JAK1: variants seen among roughly 807,000 people sequenced by gnomAD.
The protein encoded by JAK1 is Janus kinase 1, also known as tyrosine-protein kinase JAK1.
JAK1 carries 16 observed loss-of-function variants against 136.6 expected under a neutral mutation model. The observed-to-expected ratio is 0.12, with a 90% confidence interval of 0.08 to 0.18. JAK1 has a LOEUF of 0.18. Among genes scored for constraint, JAK1 ranks in the 10% least tolerant of loss-of-function variants. The pLI, the probability that JAK1 is intolerant of heterozygous loss-of-function variation, is 1.00. For synonymous variants in JAK1, 492 were observed against 519.5 expected, an observed-to-expected ratio of 0.95 and a Z score of 0.72; for missense variants, 859 against 1,450.1, an observed-to-expected ratio of 0.59 and a Z score of 6.62.
chr1:65,004,205 T>C (rs764655247), intron 2 of JAK1: 2 of 152,266 alleles, frequency 1.3e-5, no homozygotes, highest in Non-Finnish European at 2.9e-5. Context: ...CCTCCCAAAG[T>C]GCTGGGATTA....
intron 2 of JAK1, among the ~76,000 whole-genome samples, chr1:64,884,192 CGTAA>C (rs1400165843): frequency 2.6e-5 from 4 of 152,176 alleles, no homozygotes; most frequent in East Asian, 1.9e-4. Context: ...GTGAAAAGTG[CGTAA>C]GTAAGTAATT....
chr1:64,982,124 GCACACACACA>G (rs201571086), intron 2 of JAK1, among the ~76,000 whole-genome samples: 5 of 113,140 alleles, frequency 4.4e-5, no homozygotes, highest in African/African-American at 1.1e-4. Context: ...GCACACACAC[GCACACACACA>G]CACATACAAC....
chr1:64,973,111 T>A (rs1646465752), intron 2 of JAK1: 1 of 132,716 alleles, frequency 7.5e-6, no homozygotes, highest in African/African-American at 2.9e-5. Flanking sequence ...CAGAACAAGA[T>A]TCTGTCAAAA....
intron 1 of JAK1, among the ~76,000 whole-genome samples, chr1:64,959,535 G>A (rs1207629765): frequency 2.0e-5 from 3 of 152,112 alleles, no homozygotes; most frequent in East Asian, 1.9e-4. Context: ...TGGTGCCTCT[G>A]CCAATAGCCC....
chr1:64,989,233 G>A (rs1646632194), intron 2 of JAK1, among the ~76,000 whole-genome samples: 1 of 150,100 alleles, frequency 6.7e-6, no homozygotes, highest in Admixed American at 6.6e-5. Context: ...GCTGAGGCAG[G>A]AGAATTGTTT....
intron 2 of JAK1, among the ~76,000 whole-genome samples, chr1:64,884,420 C>A (rs1369553075): frequency 7.9e-5 from 12 of 152,180 alleles, no homozygotes; most frequent in Admixed American, 7.2e-4. Flanking sequence ...TTCACTTAAA[C>A]CCCTAAAGTA....
chr1:64,994,554 G>A (rs1646686431), intron 2 of JAK1, among the ~76,000 whole-genome samples: 1 of 152,146 alleles, frequency 6.6e-6, no homozygotes, highest in Admixed American at 6.5e-5. Flanking sequence ...GAAAAGCACA[G>A]TCTCAGCCCT....
intron 11 of JAK1, among the ~76,000 whole-genome samples, chr1:64,854,714 GGCCCCTACA>G (rs1655812789): frequency 6.6e-6 from 1 of 151,906 alleles, no homozygotes; most frequent in Non-Finnish European, 1.5e-5. Flanking sequence ...GATCCTCCCT[GGCCCCTACA>G]GCCTGCAGGA....
intron 2 of JAK1, chr1:64,995,021 T>C (rs1482623944): frequency 1.3e-5 from 2 of 150,094 alleles, no homozygotes; most frequent in Non-Finnish European, 3.0e-5. Context: ...TGAATCTATA[T>C]AAGCAACCAA....
Position 64,844,031 on chromosome 1 carries a change from A to G in JAK1, c.2403+33T>C. The G allele has an allele frequency of 1.2e-6, 2 of 1,611,884 alleles. No homozygotes were observed. Among genetic ancestry groups the G allele is most frequent in the South Asian group, 1.1e-5 (1 of 90,990 alleles). ...AGCCCACGAGCACCTGAAAGCCCTCACTTGCCTCACGCCCCGGGAAACACC... is the reference window on the plus strand; with the variant it reads ...AGCCCACGAGCACCTGAAAGCCCTCGCTTGCCTCACGCCCCGGGAAACACC... On this transcript the variant is annotated intron_variant, in intron 17 of 24. Coordinates refer to ENST00000342505, the MANE Select transcript of JAK1 (RefSeq NM_002227.4). The surrounding 1 kb of genome is among the most constrained non-coding windows in gnomAD (Gnocchi z 5.7).
chr1:64,984,983 C>A lies in JAK1; in HGVS notation c.-78+59497G>T. The A allele has an allele frequency of 1.1e-6, 1 of 896,794 alleles. No homozygotes were observed. Among genetic ancestry groups the A allele is most frequent in the East Asian group, 2.4e-5 (1 of 41,404 alleles). 55.6% of individuals were successfully genotyped at this position (896,794 alleles called of 1,614,324 possible). A position where few individuals can be genotyped will look rare whatever the true frequency, so the allele number is the denominator to read the frequency against. On this transcript the variant is annotated intron_variant, in intron 2 of 25. Coordinates refer to the JAK1 transcript ENST00000671954. This position sits in a 1 kb window ranked among gnomAD's most constrained non-coding sequence, Gnocchi z 4.1. ...CAATTTCAAAGAAGACCACAAAGAC[C>A]AAGATAGCCCCAATACAGACAAAGC...
In JAK1 at chr1:65,052,777, GCACTCCAGCCTGGGCGA is replaced by G. The variant is rs778211625; in HGVS notation, c.-180-8212_-180-8196del. Among the ~76,000 whole-genome samples, 34 of 147,896 alleles carry G rather than the reference GCACTCCAGCCTGGGCGA, an allele frequency of 2.3e-4. 1 individual carries two copies. The highest frequency in any genetic ancestry group is 4.8e-4 in the Admixed American group (7 of 14,474). On this transcript the variant is annotated intron_variant, in intron 1 of 25. Coordinates refer to the JAK1 transcript ENST00000671954. ...TGCAGTGAGCTGAGATCGCGCCACT[GCACTCCAGCCTGGGCGA>G]CACTCCAGCCTGGGCAACACTCCAG... is the stretch of plus-strand genomic sequence containing the variant.
intron 1 of JAK1, chr1:64,918,333 A>C (rs1046014834): frequency 6.6e-6 from 1 of 152,234 alleles, no homozygotes; most frequent in Non-Finnish European, 1.5e-5. Context: ...AGAGACCCTA[A>C]GTAGATACTC....
intron 1 of JAK1, among the ~76,000 whole-genome samples, chr1:65,044,663 T>G (rs1333433606): frequency 1.3e-5 from 2 of 152,176 alleles, no homozygotes; most frequent in Non-Finnish European, 2.9e-5. Context: ...TCTTGTTGTT[T>G]TTGCTGAGCT....
At chr1:65,001,475 T>A (rs879471169) in intron 2 of JAK1, among the ~76,000 whole-genome samples, 2 of 152,078 alleles carry the variant, frequency 1.3e-5, no homozygotes, top group African/African-American at 2.4e-5. Flanking sequence ...CTGCCAACGC[T>A]CGGAGGAAGT....
chr1:64,903,317 G>GC (rs1330378321), intron 1 of JAK1, among the ~76,000 whole-genome samples: 1 of 152,122 alleles, frequency 6.6e-6, no homozygotes, highest in Non-Finnish European at 1.5e-5. Flanking sequence ...GTAAGCCACC[G>GC]CATCTGGCCC....
At chr1:64,839,502 G>C in intron 20 of JAK1, 101 bp downstream of exon 20, 1 of 953,010 alleles carries the variant, frequency 1.0e-6, no homozygotes, top group South Asian at 1.7e-5. Flanking sequence ...TAGCATGTCA[G>C]ACGCCCAGGT....
In JAK1 at chr1:64,947,668, G is replaced by A. The variant is rs1646011968; in HGVS notation, c.-78+18665C>T. 2.7e-5 allele frequency among the ~76,000 whole-genome samples: 4 copies of A among 149,808 alleles called. No homozygotes were observed. The South Asian group carries it at 8.5e-4, about 32-fold the overall frequency. On this transcript the variant is annotated intron_variant, in intron 1 of 24. Coordinates refer to ENST00000342505, the MANE Select transcript of JAK1 (RefSeq NM_002227.4). The stretch of plus-strand genomic sequence containing the variant: ...CAAAAAAGAATACAGGTACCCAACA[G>A]AAAAGCAGTTTCACTGAACAACAGG...
chr1:64,862,489 T>C (rs965755345), intron 8 of JAK1, among the ~76,000 whole-genome samples: 1 of 152,210 alleles, frequency 6.6e-6, no homozygotes, highest in Non-Finnish European at 1.5e-5. Context: ...AACAAACTAA[T>C]GGAGGAATCA....
Sources: allele counts gnomAD v4.1 joint callset (sites outside exome capture counted in the v4.1 genomes callset), GRCh38; gene constraint gnomAD v4.1.1; non-coding constraint Gnocchi (gnomAD v3.1); transcripts MANE v1.5; gene names NCBI Gene and HGNC (gene_info 2026-07-23, HGNC 2026-07-21).